PTK2: variants seen among roughly 807,000 people sequenced by gnomAD.
PTK2 encodes the protein focal adhesion kinase 1.
A neutral mutation model predicts 150.1 loss-of-function variants in PTK2; 45 were observed. The ratio of observed to expected loss-of-function variants is 0.30; its 90% CI spans 0.24 to 0.38. PTK2 has a LOEUF of 0.38. Ranked by LOEUF, PTK2 falls within the 10% of genes least tolerant of loss-of-function variation. The pLI is 1.00. For synonymous variants in PTK2, 432 were observed against 449.2 expected (o/e 0.96, Z 0.48); for missense variants, 919 against 1,307.3 (o/e 0.70, Z 4.58).
At chr8:140,832,113 A>T (rs1433250613) in intron 7 of PTK2, among the ~76,000 whole-genome samples, 2 of 152,166 alleles carry the variant, frequency 1.3e-5, no homozygotes, top group African/African-American at 4.8e-5. Context: ...AGAGTGCAGT[A>T]GCCAATCTCA....
chr8:140,701,157 G>A, intron 25 of PTK2, 135 bp from the exon 29 acceptor site: 1 of 1,030,422 alleles, frequency 9.7e-7, no homozygotes, highest in South Asian at 2.4e-5. Context: ...TACTGTGCTT[G>A]TGGGAATAAC....
chr8:140,918,182 G>T (rs773690384), intron 2 of PTK2, among the ~76,000 whole-genome samples: 10 of 152,128 alleles, frequency 6.6e-5, no homozygotes, highest in Non-Finnish European at 1.2e-4. Flanking sequence ...AGGTATAAAC[G>T]CCTGAGAGGA....
At chr8:140,993,857 G>A (rs1018478431) in intron 1 of PTK2, among the ~76,000 whole-genome samples, 5 of 151,950 alleles carry the variant, frequency 3.3e-5, no homozygotes, top group Non-Finnish European at 7.4e-5. Flanking sequence ...AGCTTCCCAG[G>A]TAGCTGGGAC....
chr8:140,691,196 G>GT (rs370500920), intron 26 of PTK2, among the ~76,000 whole-genome samples: 1 of 147,030 alleles, frequency 6.8e-6, no homozygotes, highest in Non-Finnish European at 1.5e-5. Flanking sequence ...GAGATGGTTG[G>GT]GGGTGGGGGG....
chr8:140,960,520 T>C (rs1398773458), intron 1 of PTK2, among the ~76,000 whole-genome samples: 2 of 151,908 alleles, frequency 1.3e-5, no homozygotes, highest in Non-Finnish European at 1.5e-5. Context: ...TTTTAACCCT[T>C]AAAAAAAGAA....
intron 5 of PTK2, among the ~76,000 whole-genome samples, chr8:140,851,504 T>C (rs2100129247): frequency 6.6e-6 from 1 of 152,220 alleles, no homozygotes; most frequent in Non-Finnish European, 1.5e-5. Flanking sequence ...ACAACAAATG[T>C]TTCCATTATC....
At chr8:140,963,603 G>A (rs1238688971) in intron 1 of PTK2, among the ~76,000 whole-genome samples, 2 of 152,142 alleles carry the variant, frequency 1.3e-5, no homozygotes, top group Non-Finnish European at 2.9e-5. Flanking sequence ...TTCTTCACCA[G>A]TACCTACCTG....
In PTK2 at chr8:140,698,806, G is replaced by T. The variant is rs182376641; in HGVS notation, c.2499+2085C>A. On this transcript the variant is annotated intron_variant, in intron 26 of 31. Transcript: ENST00000522684. ...ATTTTTGTATTTTTAGTACAGATGG[G>T]GTTTTGCCACATTGGCCAGGCTGGT... is the stretch of plus-strand genomic sequence containing the variant. Among the ~76,000 whole-genome samples, 946 of 152,170 alleles carry T rather than the reference G, an allele frequency of 6.2e-3. 15 individuals are homozygous for T. Among genetic ancestry groups the T allele is most frequent in the African/African-American group, 0.021 (869 of 41,490 alleles).
exon 32 of PTK2, chr8:140,659,437 G>A: frequency 6.3e-7 from 1 of 1,575,036 alleles, no homozygotes; most frequent in South Asian, 1.1e-5. Flanking sequence ...CTTCAAAAGA[G>A]GGTAGCAAGA....
At chr8:140,738,570 G>A (rs2100053884) in intron 21 of PTK2, among the ~76,000 whole-genome samples, 1 of 152,160 alleles carries the variant, frequency 6.6e-6, no homozygotes, top group Non-Finnish European at 1.5e-5. Context: ...CTTGAGATAG[G>A]TCAGGAAGGA....
chr8:140,786,020 A>G (rs190890464), intron 14 of PTK2, among the ~76,000 whole-genome samples: 4 of 152,314 alleles, frequency 2.6e-5, no homozygotes, highest in Non-Finnish European at 2.9e-5. Flanking sequence ...TTTCACCAAG[A>G]ATGTAAACTC....
At chr8:140,891,987 C>A (rs1228215415) in intron 2 of PTK2, among the ~76,000 whole-genome samples, 1 of 152,104 alleles carries the variant, frequency 6.6e-6, no homozygotes, top group Non-Finnish European at 1.5e-5. Flanking sequence ...GGGAAGACTG[C>A]TTGAGTCCAG....
At chr8:140,907,325 T>C (rs930767246) in intron 2 of PTK2, among the ~76,000 whole-genome samples, 1 of 152,212 alleles carries the variant, frequency 6.6e-6, no homozygotes, top group African/African-American at 2.4e-5. Context: ...AATATTTGCA[T>C]TATACTCACT....
chr8:140,823,040 T>C (rs1265369148), intron 8 of PTK2, among the ~76,000 whole-genome samples: 1 of 152,084 alleles, frequency 6.6e-6, no homozygotes, highest in Non-Finnish European at 1.5e-5. Context: ...CAAGTATTAA[T>C]AGAAAATAAG....
intron 27 of PTK2, among the ~76,000 whole-genome samples, chr8:140,682,409 A>G (rs929676514): frequency 1.3e-5 from 2 of 152,102 alleles, no homozygotes; most frequent in African/African-American, 4.8e-5. Flanking sequence ...AAATTTAGCA[A>G]ATGACAGCGT....
Position 140,743,336 on chromosome 8 carries a change from A to G in PTK2, c.1635-6T>C. 1 of 1,607,722 alleles carries G rather than the reference A, an allele frequency of 6.2e-7. No homozygotes were observed. Among genetic ancestry groups the G allele is most frequent in the Non-Finnish European group, 8.5e-7 (1 of 1,174,936 alleles). ...CATTCCGAGCAGCAATGTCCCTGAT[A>G]AAGAAGAATTTGAGACAATAAGACT... On this transcript the variant is annotated splice_region_variant and splice_polypyrimidine_tract_variant and intron_variant, in intron 19 of 31. Transcript: ENST00000522684.
At chr8:140,971,507 AT>A (rs1749451714) in intron 1 of PTK2, among the ~76,000 whole-genome samples, 1 of 152,180 alleles carries the variant, frequency 6.6e-6, no homozygotes, top group South Asian at 2.1e-4. Flanking sequence ...CAAGACTCAA[AT>A]TTTTCTAAAA....
chr8:140,747,738 TAGG>T (rs1414687848), intron 17 of PTK2, among the ~76,000 whole-genome samples: 1 of 20,180 alleles, frequency 5.0e-5, no homozygotes, highest in Non-Finnish European at 9.1e-5. Context: ...AGGAAGGAAG[TAGG>T]AGGAGGGGGA....
At chr8:140,887,951 C>A (rs556255466) in intron 3 of PTK2, among the ~76,000 whole-genome samples, 22 of 152,310 alleles carry the variant, frequency 1.4e-4, no homozygotes, top group African/African-American at 5.1e-4. Flanking sequence ...GAGTTTAAGA[C>A]TGAATCGAGT....
Sources: allele counts gnomAD v4.1 joint callset (sites outside exome capture counted in the v4.1 genomes callset), GRCh38; gene constraint gnomAD v4.1.1; transcripts MANE v1.5; gene names NCBI Gene and HGNC (gene_info 2026-07-23, HGNC 2026-07-21).